The following NUDT3 variants were observed in gnomAD, a reference collection of about 807,000 sequenced individuals.
NUDT3 encodes diphosphoinositol polyphosphate phosphohydrolase 1.
NUDT3 carries 9 observed loss-of-function variants against 23.6 expected under a neutral mutation model. That is an observed-to-expected ratio of 0.38 (90% CI 0.23 to 0.66). NUDT3 has a LOEUF of 0.66. NUDT3 is among the 30% of genes least tolerant of loss of function. NUDT3 has a pLI of 0.52. For missense variants in NUDT3, 172 were observed against 218.5 expected (o/e 0.79, Z 1.34); for synonymous variants, 86 against 82.6 (o/e 1.04, Z -0.22).
intron 1 of NUDT3, among the ~76,000 whole-genome samples, chr6:34,344,818 A>T (rs951325036): frequency 1.3e-5 from 2 of 150,886 alleles, no homozygotes; most frequent in African/African-American, 4.9e-5. Flanking sequence ...CGCCCAGTTA[A>T]TTTTTTGTGT....
rs555145485 is a variant in NUDT3 at position 34,316,346 on chromosome 6, A to C, written c.211-20661T>G. ...ACAAAAGGTAGTAAAGAGGAACAAA[A>C]ATGGAGCCAAATGAAATGAACACTT... On this transcript the variant is annotated intron_variant, in intron 2 of 4. Coordinates refer to ENST00000607016, the MANE Select transcript of NUDT3 (RefSeq NM_006703.4). Among the ~76,000 whole-genome samples the C allele has an allele frequency of 2.8e-4, 43 of 152,288 alleles. 1 individual carries two copies. The South Asian group carries it at 8.9e-3, about 32-fold the overall frequency.
At chr6:34,323,502 C>CCTG (rs1327780895) in intron 2 of NUDT3, among the ~76,000 whole-genome samples, 6 of 151,728 alleles carry the variant, frequency 4.0e-5, no homozygotes, top group Non-Finnish European at 8.8e-5. Flanking sequence ...GGGCGGTAGA[C>CCTG]GTGACAGTAA....
At chr6:34,310,800 C>T (rs1423644554) in intron 2 of NUDT3, among the ~76,000 whole-genome samples, 1 of 152,052 alleles carries the variant, frequency 6.6e-6, no homozygotes, top group African/African-American at 2.4e-5. Flanking sequence ...AAAATAATTA[C>T]ACCTAAAACC....
intron 4 of NUDT3, among the ~76,000 whole-genome samples, chr6:34,290,398 CTTCT>C (rs1203496152): frequency 2.1e-5 from 3 of 140,264 alleles, no homozygotes; most frequent in African/African-American, 2.6e-5. Flanking sequence ...CCTGCTGCTG[CTTCT>C]TTTTTTTTTT....
At chr6:34,351,198 T>TTAAAA (rs1764462307) in intron 1 of NUDT3, among the ~76,000 whole-genome samples, 1 of 17,894 alleles carries the variant, frequency 5.6e-5, no homozygotes, top group South Asian at 2.6e-3. Flanking sequence ...CTCCCCTGCC[T>TTAAAA]AAAAAAAAAA....
intron 1 of NUDT3, among the ~76,000 whole-genome samples, chr6:34,359,230 G>A (rs1417581316): frequency 3.9e-5 from 6 of 152,148 alleles, no homozygotes; most frequent in Admixed American, 1.3e-4. Flanking sequence ...AAAATTAGCC[G>A]GGTGTGGTGG....
At chr6:34,374,156 C>CAAAAA (rs397888346) in intron 1 of NUDT3, among the ~76,000 whole-genome samples, 32 of 64,716 alleles carry the variant, frequency 4.9e-4, no homozygotes, top group African/African-American at 1.7e-3. Context: ...GGCTCCCTCT[C>CAAAAA]AAAAAAAAAA....
chr6:34,302,429 C>T (rs1763611716), intron 2 of NUDT3, among the ~76,000 whole-genome samples: 1 of 152,124 alleles, frequency 6.6e-6, no homozygotes, highest in Non-Finnish European at 1.5e-5. Context: ...TGTTAGTTAT[C>T]TTGTTTAAGA....
At chr6:34,303,962 C>G (rs138988843) in intron 2 of NUDT3, among the ~76,000 whole-genome samples, 1 of 152,108 alleles carries the variant, frequency 6.6e-6, no homozygotes, top group Non-Finnish European at 1.5e-5. Flanking sequence ...TATAGAAAGT[C>G]TGCTACGAGG....
intron 2 of NUDT3, among the ~76,000 whole-genome samples, chr6:34,311,966 T>C (rs185369132): frequency 3.3e-5 from 5 of 152,210 alleles, no homozygotes; most frequent in Admixed American, 3.3e-4. Flanking sequence ...AAAACTATAA[T>C]ACTCCCAGAA....
intron 1 of NUDT3, among the ~76,000 whole-genome samples, chr6:34,376,224 C>T (rs1156466967): frequency 2.6e-5 from 4 of 152,176 alleles, no homozygotes; most frequent in Non-Finnish European, 5.9e-5. Context: ...TAAAAGTCAT[C>T]TTCAACCATG....
chr6:34,331,753 C>T (rs1011021992), intron 2 of NUDT3, among the ~76,000 whole-genome samples: 15 of 152,318 alleles, frequency 9.8e-5, no homozygotes, highest in Middle Eastern at 3.4e-3. Flanking sequence ...GTACTGAACA[C>T]GTACCGACTT....
chr6:34,392,283 C>A lies in NUDT3; in HGVS notation c.80G>T (p.Arg27Leu). ...CCTCACCTCCTCCTCGCTCTCGCTG[C>A]GGAAACACAGGCATGCGGCCCGCTT... is the stretch of plus-strand genomic sequence containing the variant. ...YKKRAACLCF[R>L]SESEEEVLLV... is the part of the protein sequence containing the mutation. The change falls in exon 1 of 5, where the codon CGC becomes CTC. Residue 27 changes from arginine (R) to leucine (L), a missense_variant. Arg to Leu is a moderately radical substitution (Grantham distance 102). Around this residue, in one of 3 missense-constraint regions of NUDT3, gnomAD observed 50 missense variants for 46.2 expected, o/e 1.08. Coordinates refer to ENST00000607016, the MANE Select transcript of NUDT3 (RefSeq NM_006703.4). 1 of 1,603,002 alleles carries A rather than the reference C, an allele frequency of 6.2e-7. No individual in the cohort carries two copies. The highest frequency in any genetic ancestry group is 1.1e-5 in the South Asian group (1 of 90,348).
intron 1 of NUDT3, among the ~76,000 whole-genome samples, chr6:34,349,537 G>A (rs928568947): frequency 6.6e-6 from 1 of 150,526 alleles, no homozygotes; most frequent in African/African-American, 2.5e-5. Context: ...ATATGAATGT[G>A]GGACTGGAGT....
rs551407712 is a variant in NUDT3 at position 34,368,731 on chromosome 6, T to G, written c.99+23533A>C. 4.6e-5 allele frequency among the ~76,000 whole-genome samples: 7 copies of G among 152,256 alleles called. No homozygotes were observed. In the South Asian group the frequency reaches 1.2e-3, roughly 27 times the overall value. ...TCAGTTCACTGCAAACTCCACCTCC[T>G]GGGTTCACACCATTCTCCTGCCTCA... On this transcript the variant is annotated intron_variant, in intron 1 of 4. Transcript: ENST00000607016.
Position 34,380,113 on chromosome 6 carries a change from C to T in NUDT3, c.99+12151G>A, listed in dbSNP as rs141109772. Reference sequence around the variant, plus strand: ...TTATTTATTTTTTGAGACAAAGTTTCGCTCTTGTTGCCCAGACTGGAGTGC... The same window carrying T: ...TTATTTATTTTTTGAGACAAAGTTTTGCTCTTGTTGCCCAGACTGGAGTGC... On this transcript the variant is annotated intron_variant, in intron 1 of 4. Transcript: ENST00000607016. Among the ~76,000 whole-genome samples, 972 of 152,108 alleles carry T rather than the reference C, an allele frequency of 6.4e-3. 6 individuals carry two copies. The highest frequency in any genetic ancestry group is 0.022 in the African/African-American group (922 of 41,514).
rs1352186799 is a variant in NUDT3 at position 34,392,297 on chromosome 6, T to A, written c.66A>T (p.Ala22=). The part of the protein sequence containing the change: ...YDGDGYKKRA[A]CLCFRSESEE... Reference sequence around the variant, plus strand: ...CGCTCTCGCTGCGGAAACACAGGCATGCGGCCCGCTTCTTGTAGCCGTCGC... The same window carrying A: ...CGCTCTCGCTGCGGAAACACAGGCAAGCGGCCCGCTTCTTGTAGCCGTCGC... Residue 22 remains alanine, a synonymous_variant, in exon 1 of 5, where the codon GCA becomes GCT. Coordinates refer to ENST00000607016, the MANE Select transcript of NUDT3 (RefSeq NM_006703.4). The A allele has an allele frequency of 6.2e-6, 10 of 1,605,558 alleles. No individual in the cohort carries two copies. Among genetic ancestry groups the A allele is most frequent in the Non-Finnish European group, 8.5e-6 (10 of 1,177,484 alleles).
At chr6:34,386,690 A>T (rs1169330883) in intron 1 of NUDT3, among the ~76,000 whole-genome samples, 1 of 152,202 alleles carries the variant, frequency 6.6e-6, no homozygotes, top group African/African-American at 2.4e-5. Context: ...CATATACAAG[A>T]GTAGTCCCAA....
At chr6:34,371,641 T>A (rs927833139) in intron 1 of NUDT3, among the ~76,000 whole-genome samples, 1 of 152,194 alleles carries the variant, frequency 6.6e-6, no homozygotes, top group African/African-American at 2.4e-5. Flanking sequence ...ATTAGAAGAA[T>A]AGAGAATCAC....
Sources: gnomAD v4.1 joint callset for allele counts (sites outside exome capture counted in the v4.1 genomes callset) on GRCh38, gnomAD v4.1.1 for gene constraint, gnomAD v4.1.1 regional missense constraint, MANE v1.5 for transcripts, NCBI Gene and HGNC (gene_info 2026-07-23, HGNC 2026-07-21) for gene names.